MSRA: variants seen among roughly 807,000 people sequenced by gnomAD.
The protein encoded by MSRA is mitochondrial peptide methionine sulfoxide reductase.
A neutral mutation model predicts 31.3 loss-of-function variants in MSRA; 54 were observed. That is an observed-to-expected ratio of 1.73 (90% confidence interval 1.39 to 2.17). MSRA has a LOEUF of 2.17. Among genes scored for constraint, MSRA ranks in the 30% most tolerant of loss-of-function variants. MSRA has a pLI of 0.00. For missense variants in MSRA, 507 were observed against 300.9 expected, an observed-to-expected ratio of 1.69 and a Z score of -5.07; for synonymous variants, 169 against 116.5, an observed-to-expected ratio of 1.45 and a Z score of -2.90.
intron 5 of MSRA, among the ~76,000 whole-genome samples, chr8:10,389,767 T>C (rs1165981759): frequency 6.7e-6 from 1 of 149,372 alleles, no homozygotes; most frequent in Non-Finnish European, 1.5e-5. Flanking sequence ...TTAAAGTCTT[T>C]TTTTTTTCCC....
At chr8:10,291,501 T>C (rs762108285) in intron 3 of MSRA, among the ~76,000 whole-genome samples, 33 of 151,880 alleles carry the variant, frequency 2.2e-4, no homozygotes, top group Non-Finnish European at 4.1e-4. Flanking sequence ...AATTTTGATG[T>C]ATTAGGATTT....
At chr8:10,239,751 A>C (rs925890810) in intron 2 of MSRA, among the ~76,000 whole-genome samples, 10 of 152,202 alleles carry the variant, frequency 6.6e-5, no homozygotes, top group African/African-American at 2.4e-4. Flanking sequence ...CAAAAGCTAC[A>C]AAGTCTCCCA....
intron 3 of MSRA, among the ~76,000 whole-genome samples, chr8:10,298,135 A>T (rs1400418661): frequency 1.3e-5 from 2 of 152,226 alleles, no homozygotes; most frequent in African/African-American, 4.8e-5. Flanking sequence ...AATGGGGACC[A>T]TATGTCTCTG....
intron 1 of MSRA, among the ~76,000 whole-genome samples, chr8:10,125,633 C>G (rs755310590): frequency 6.6e-6 from 1 of 152,194 alleles, no homozygotes; most frequent in Non-Finnish European, 1.5e-5. Flanking sequence ...AACCACTGAG[C>G]AGCGCTGATG....
In MSRA at chr8:10,260,447, G is replaced by C. The variant is rs192484387; in HGVS notation, c.331+15224G>C. On this transcript the variant is annotated intron_variant, in intron 3 of 5. Transcript: ENST00000317173. ...GGAAGCGGGGGACAGAATACCCCAC[G>C]ACTCTAGCGGCACACGTACACAAGC... Among the ~76,000 whole-genome samples, 27 of 152,292 alleles carry C rather than the reference G, an allele frequency of 1.8e-4. No homozygotes were observed. The South Asian group carries it at 5.6e-3, about 32-fold the overall frequency.
intron 1 of MSRA, among the ~76,000 whole-genome samples, chr8:10,066,604 G>A (rs200911122): frequency 6.6e-6 from 1 of 152,130 alleles, no homozygotes; most frequent in East Asian, 1.9e-4. Flanking sequence ...CGCGATCTCT[G>A]CTCACTGCAA....
chr8:10,333,184 A>G (rs1342960957), intron 5 of MSRA, among the ~76,000 whole-genome samples: 1 of 152,196 alleles, frequency 6.6e-6, no homozygotes, highest in South Asian at 2.1e-4. Context: ...ACATTTCTCC[A>G]CGGGCCACAC....
intron 3 of MSRA, among the ~76,000 whole-genome samples, chr8:10,267,884 G>C (rs1381230330): frequency 6.6e-6 from 1 of 152,052 alleles, no homozygotes; most frequent in Non-Finnish European, 1.5e-5. Context: ...TGTTCGTTTG[G>C]GAGGCACCAT....
Position 10,212,624 on chromosome 8 carries a change from A to G in MSRA, c.211+4723A>G, listed in dbSNP as rs557587284. ...ATAAAACCTAGTTTGTGATACTTCA[A>G]TAAGAGTGAGGGAATTGATCTGATT... is the stretch of plus-strand genomic sequence containing the variant. On this transcript the variant is annotated intron_variant, in intron 2 of 5. Transcript: ENST00000317173. Among the ~76,000 whole-genome samples, 14 of 152,344 alleles carry G rather than the reference A, an allele frequency of 9.2e-5. No individual in the cohort carries two copies. The East Asian group carries it at 1.2e-3, about 13-fold the overall frequency.
intron 1 of MSRA, chr8:10,095,749 C>G (rs1402028821): frequency 7.9e-6 from 9 of 1,132,178 alleles, no homozygotes; most frequent in Non-Finnish European, 8.7e-6. Flanking sequence ...CTTTTTAAGT[C>G]TCTTGGGCTA....
chr8:10,199,486 A>G (rs1387335988), intron 1 of MSRA, among the ~76,000 whole-genome samples: 1 of 151,956 alleles, frequency 6.6e-6, no homozygotes, highest in Non-Finnish European at 1.5e-5. Context: ...TGCCCTGCTA[A>G]TTTTTGTATT....
rs374234745 is a variant in MSRA, at chr8:10,095,619, C to T, written c.142+40961C>T. On this transcript the variant is annotated intron_variant, in intron 1 of 5. Coordinates refer to ENST00000317173, the MANE Select transcript of MSRA (RefSeq NM_012331.5). ...GCTGAGGAAAGAAAAAAAGGCAAGA[C>T]TTGGCACAGCTCAGTCAAATCAGCT... 6.1e-6 allele frequency: 6 copies of T among 988,856 alleles called. No homozygotes were observed. The East Asian group carries it at 5.6e-4, about 91-fold the overall frequency. The allele number at this position is 988,856 out of a possible 1,614,324, so 61.3% of individuals were successfully genotyped here. A position where few individuals can be genotyped will look rare whatever the true frequency, so the allele number is the denominator to read the frequency against.
chr8:10,354,740 G>C (rs1804404354), intron 5 of MSRA, among the ~76,000 whole-genome samples: 1 of 130,094 alleles, frequency 7.7e-6, no homozygotes, highest in African/African-American at 3.0e-5. Flanking sequence ...TAATATGTGT[G>C]TGTGTGTGTG....
Position 10,054,413 on chromosome 8 carries a change from CG to C in MSRA, c.-103del. On this transcript the variant is annotated 5_prime_UTR_variant, in exon 1 of 6. Coordinates refer to ENST00000317173, the MANE Select transcript of MSRA (RefSeq NM_012331.5). ...CGCGCCCGCCCGCCCGCGCCCCTGCCGCCCCCCGGTTCCGGCCGCGGACCCC... is the reference window on the plus strand; with the variant it reads ...CGCGCCCGCCCGCCCGCGCCCCTGCCCCCCCCGGTTCCGGCCGCGGACCCC... 59 of 1,072,882 alleles carry C rather than the reference CG, an allele frequency of 5.5e-5. No homozygotes were observed. Among genetic ancestry groups the C allele is most frequent in the Non-Finnish European group, 6.8e-5 (57 of 833,744 alleles). The allele number at this position is 1,072,882 out of a possible 1,614,324, so 66.5% of individuals were successfully genotyped here.
At position 10,113,306 on chromosome 8, in the gene MSRA, TTTTTTTTTG is replaced by T. The variant is rs942786908; in HGVS notation, c.142+58649_142+58657del. ...AGACAGGTCTTCTTTTTTTTTTTTTTTTTTTTTTGGAGGTGTGTGTTTAAATGCTGAGCG... is the reference window on the plus strand; with the variant it reads ...AGACAGGTCTTCTTTTTTTTTTTTTTGAGGTGTGTGTTTAAATGCTGAGCG... On this transcript the variant is annotated intron_variant, in intron 1 of 5. Coordinates refer to ENST00000317173, the MANE Select transcript of MSRA (RefSeq NM_012331.5). Among the ~76,000 whole-genome samples the T allele has an allele frequency of 3.7e-4, 48 of 129,354 alleles. 1 individual carries two copies. The highest frequency in any genetic ancestry group is 1.3e-3 in the African/African-American group (46 of 36,048). The allele number at this position is 129,354 out of a possible 152,430, so 84.9% of individuals were successfully genotyped here.
At chr8:10,202,069 G>T (rs763189790) in intron 1 of MSRA, among the ~76,000 whole-genome samples, 40 of 152,152 alleles carry the variant, frequency 2.6e-4, no homozygotes, top group Non-Finnish European at 5.7e-4. Context: ...ATTAATGAAT[G>T]GCTTTTCTGT....
chr8:10,181,044 A>T (rs542782337), intron 1 of MSRA, among the ~76,000 whole-genome samples: 5 of 152,296 alleles, frequency 3.3e-5, no homozygotes, highest in Admixed American at 2.6e-4. Flanking sequence ...TATTTATTGA[A>T]CTCTAGGCAC....
chr8:10,300,692 T>C (rs373272720), intron 3 of MSRA, among the ~76,000 whole-genome samples: 1 of 152,292 alleles, frequency 6.6e-6, no homozygotes, highest in African/African-American at 2.4e-5. Flanking sequence ...CTTGCCAAAT[T>C]CTTTACTACA....
In MSRA at chr8:10,363,349, C is replaced by T. The variant is rs577935681; in HGVS notation, c.543+43360C>T. ...GAATGGCTGGAAACACTATTCCTTC[C>T]GTGACTCACAGGGCCAACCTGGCAT... On this transcript the variant is annotated intron_variant, in intron 5 of 5. Transcript: ENST00000317173. Among the ~76,000 whole-genome samples the T allele has an allele frequency of 3.3e-5, 5 of 152,236 alleles. No individual in the cohort carries two copies. The East Asian group carries it at 5.8e-4, about 18-fold the overall frequency.
Sources: gnomAD v4.1 joint callset for allele counts (sites outside exome capture counted in the v4.1 genomes callset) on GRCh38, gnomAD v4.1.1 for gene constraint, MANE v1.5 for transcripts, NCBI Gene and HGNC (gene_info 2026-07-23, HGNC 2026-07-21) for gene names.